The following SCTR variants were observed in gnomAD, a reference collection of about 807,000 sequenced individuals.
SCTR encodes the protein secretin receptor, also known as pancreatic secretin receptor.
Under a neutral mutation model 60.8 loss-of-function variants are expected in SCTR, and 56 were observed. The observed-to-expected ratio is 0.92, with a 90% CI of 0.74 to 1.15. The LOEUF is 1.15. Ranked by LOEUF, SCTR falls within the 50% of genes most tolerant of loss-of-function variation. SCTR has a pLI of 0.00. For synonymous variants in SCTR, 202 were observed against 217.0 expected, an observed-to-expected ratio of 0.93 and a Z score of 0.61; for missense variants, 562 against 550.4, an observed-to-expected ratio of 1.02 and a Z score of -0.21.
chr2:119,486,139 C>T lies in SCTR; in HGVS notation c.194-7221G>A, dbSNP rs958444991. ...ATCGCAGGAGAAACAGCTAAAGAGT[C>T]TTGGAACCAGGAATCATAAGCTGTT... On this transcript the variant is annotated intron_variant, in intron 2 of 12. Transcript: ENST00000019103. The T allele has an allele frequency of 3.9e-5, 6 of 152,108 alleles. No individual in the cohort carries two copies. In the South Asian group the frequency reaches 1.2e-3, roughly 32 times the overall value. The allele number at this position is 152,108 out of a possible 1,614,324, so 9.4% of individuals were successfully genotyped here.
At chr2:119,488,639 G>T (rs567604138) in intron 2 of SCTR, among the ~76,000 whole-genome samples, 8 of 152,332 alleles carry the variant, frequency 5.3e-5, no homozygotes, top group Admixed American at 1.3e-4. Flanking sequence ...TGGGCAACAG[G>T]TTCGCAGAAG....
intron 1 of SCTR, among the ~76,000 whole-genome samples, chr2:119,507,372 T>C (rs764635039): frequency 6.6e-6 from 1 of 152,200 alleles, no homozygotes; most frequent in Non-Finnish European, 1.5e-5. Context: ...AATTATCTTT[T>C]AAACCTTTTA....
chr2:119,453,245 G>T lies in SCTR; in HGVS notation c.851+42C>A, dbSNP rs771386111. Reference sequence around the variant, plus strand: ...AACTATGCTGTTTGAAAAGCTGGACGATGTCAGATACATTCTTGTTATCCT... The same window carrying T: ...AACTATGCTGTTTGAAAAGCTGGACTATGTCAGATACATTCTTGTTATCCT... On this transcript the variant is annotated intron_variant, in intron 8 of 12. Coordinates refer to ENST00000019103, the MANE Select transcript of SCTR (RefSeq NM_002980.3). The T allele has an allele frequency of 2.8e-6, 4 of 1,431,678 alleles. No individual in the cohort carries two copies. In the African/African-American group the frequency reaches 5.6e-5, roughly 20 times the overall value. 88.7% of individuals were successfully genotyped at this position (1,431,678 alleles called of 1,614,324 possible).
chr2:119,523,644 G>A (rs1395250590), intron 1 of SCTR, among the ~76,000 whole-genome samples: 1 of 151,936 alleles, frequency 6.6e-6, no homozygotes, highest in Non-Finnish European at 1.5e-5. Flanking sequence ...AAAATGTCAA[G>A]GTTTGGGGGC....
chr2:119,476,134 C>T (rs995322303), intron 3 of SCTR, among the ~76,000 whole-genome samples: 1 of 152,158 alleles, frequency 6.6e-6, no homozygotes, highest in African/African-American at 2.4e-5. Flanking sequence ...ACTGGGCGCT[C>T]CCCCTGGGGT....
intron 7 of SCTR, among the ~76,000 whole-genome samples, chr2:119,454,191 C>T (rs1410401082): frequency 1.3e-5 from 2 of 152,092 alleles, no homozygotes; most frequent in African/African-American, 4.8e-5. Context: ...TGGGGAAGTG[C>T]CCAAGGATGC....
intron 1 of SCTR, among the ~76,000 whole-genome samples, chr2:119,523,416 T>TTAC (rs1679350212): frequency 6.8e-6 from 1 of 146,842 alleles, no homozygotes. Context: ...ATTATTATTA[T>TTAC]TATTATTATT....
intron 1 of SCTR, among the ~76,000 whole-genome samples, chr2:119,513,664 A>C (rs4499438): frequency 0.2 from 31,115 of 152,180 alleles, 4,244 homozygotes; most frequent in East Asian, 0.77. Flanking sequence ...TAGAATTTTA[A>C]ATCCACTTTC....
At chr2:119,509,549 G>A (rs1678865967) in intron 1 of SCTR, among the ~76,000 whole-genome samples, 1 of 152,162 alleles carries the variant, frequency 6.6e-6, no homozygotes, top group South Asian at 2.1e-4. Context: ...TGTGCAAGAA[G>A]AGTTCAACTT....
chr2:119,449,395 G>C (rs1483303805), intron 9 of SCTR, among the ~76,000 whole-genome samples: 1 of 152,164 alleles, frequency 6.6e-6, no homozygotes, highest in Admixed American at 6.5e-5. Flanking sequence ...ATATTGCTGT[G>C]TAAGAGCACT....
At chr2:119,440,457 T>A (rs962736443) in intron 12 of SCTR, among the ~76,000 whole-genome samples, 200 bp from the exon 13 acceptor site, 1 of 152,212 alleles carries the variant, frequency 6.6e-6, no homozygotes, top group Non-Finnish European at 1.5e-5. Context: ...CCTGGGCACA[T>A]GCACCTGCAA....
chr2:119,513,514 A>G (rs1163070609), intron 1 of SCTR, among the ~76,000 whole-genome samples: 1 of 152,186 alleles, frequency 6.6e-6, no homozygotes, highest in African/African-American at 2.4e-5. Context: ...CATACATTAC[A>G]TATTCTTTCC....
At chr2:119,470,181 A>G (rs930066290) in intron 4 of SCTR, among the ~76,000 whole-genome samples, 4 of 152,182 alleles carry the variant, frequency 2.6e-5, no homozygotes, top group African/African-American at 9.7e-5. Context: ...TGTGACATCT[A>G]TGTGCGGTCT....
intron 3 of SCTR, among the ~76,000 whole-genome samples, chr2:119,476,093 A>C (rs1415943391): frequency 6.6e-6 from 1 of 152,108 alleles, no homozygotes; most frequent in Non-Finnish European, 1.5e-5. Flanking sequence ...CTCAAGGAGA[A>C]TTAATTTATT....
At chr2:119,444,260 AATAT>A in intron 11 of SCTR, among the ~76,000 whole-genome samples, 1 of 94,414 alleles carries the variant, frequency 1.1e-5, no homozygotes. Context: ...TATACATATG[AATAT>A]ATACATATAT....
chr2:119,502,281 A>T (rs991148356), intron 1 of SCTR, among the ~76,000 whole-genome samples: 3 of 152,000 alleles, frequency 2.0e-5, no homozygotes, highest in Non-Finnish European at 4.4e-5. Context: ...ATCACTCAGA[A>T]TCAATTAAAA....
At chr2:119,483,572 C>T (rs923838865) in intron 2 of SCTR, among the ~76,000 whole-genome samples, 15 of 152,172 alleles carry the variant, frequency 9.9e-5, no homozygotes, top group African/African-American at 3.4e-4. Context: ...GGTTTCCCAG[C>T]GTGCGATGAG....
chr2:119,507,942 G>T (rs984733077), intron 1 of SCTR, among the ~76,000 whole-genome samples: 5 of 152,190 alleles, frequency 3.3e-5, no homozygotes, highest in Non-Finnish European at 5.9e-5. Context: ...CTCCCAAAGT[G>T]CTGGCTCATT....
chr2:119,450,534 AAAAAAAC>A (rs1204007045), intron 9 of SCTR, among the ~76,000 whole-genome samples: 2 of 147,752 alleles, frequency 1.4e-5, no homozygotes, highest in Admixed American at 6.7e-5. Context: ...AACAAAAAAC[AAAAAAAC>A]AAAAAAAAAA....
Sources: gnomAD v4.1 joint callset for allele counts (sites outside exome capture counted in the v4.1 genomes callset) on GRCh38, gnomAD v4.1.1 for gene constraint, MANE v1.5 for transcripts, NCBI Gene and HGNC (gene_info 2026-07-23, HGNC 2026-07-21) for gene names.